Variants in GLDN observed in about 807,000 individuals in gnomAD.
The protein encoded by GLDN is collomin.
GLDN carries 47 observed loss-of-function variants against 56.5 expected under a neutral mutation model. That is an observed-to-expected ratio of 0.83 (90% CI 0.66 to 1.06). The LOEUF is 1.06. Among genes scored for constraint, GLDN ranks in the 50% least tolerant of loss-of-function variants. The probability of loss-of-function intolerance (pLI) is 0.00; values close to 1 mark genes in which losing one functional copy is unlikely to be tolerated. For missense variants in GLDN, 782 were observed against 714.3 expected (o/e 1.09, Z -1.08); for synonymous variants, 332 against 278.8 (o/e 1.19, Z -1.90).
chr15:51,396,409 C>T (rs2038129979), intron 5 of GLDN, among the ~76,000 whole-genome samples: 1 of 152,158 alleles, frequency 6.6e-6, no homozygotes, highest in Admixed American at 6.5e-5. Flanking sequence ...GAAAAGCAGA[C>T]AGTTGGTATT....
At chr15:51,386,874 C>T (rs1038193731) in intron 4 of GLDN, among the ~76,000 whole-genome samples, 5 of 152,060 alleles carry the variant, frequency 3.3e-5, no homozygotes, top group African/African-American at 1.2e-4. Flanking sequence ...GGTGGGGAGC[C>T]CCGCACTCAA....
intron 1 of GLDN, among the ~76,000 whole-genome samples, chr15:51,376,872 T>C (rs949781394): frequency 5.3e-5 from 8 of 152,170 alleles, no homozygotes; most frequent in African/African-American, 1.9e-4. Flanking sequence ...ATAACATGCA[T>C]GGAGCTGTGA....
intron 5 of GLDN, among the ~76,000 whole-genome samples, chr15:51,396,614 G>A (rs2038134290): frequency 6.6e-6 from 1 of 152,200 alleles, no homozygotes; most frequent in African/African-American, 2.4e-5. Flanking sequence ...GCAAATACCA[G>A]AGAACACCAT....
At chr15:51,356,899 G>T (rs980107096) in intron 1 of GLDN, among the ~76,000 whole-genome samples, 1 of 152,100 alleles carries the variant, frequency 6.6e-6, no homozygotes, top group African/African-American at 2.4e-5. Context: ...GTAATAAAAA[G>T]AATTTGGAGA....
rs375973427 is a variant in GLDN at position 51,383,905 on chromosome 15, A to C, written c.541+13A>C. ...AGAGGAAAAATGGGTATTTTTGGCA[A>C]CTCTTCTAATTAATTTCCCTGTTAT... On this transcript the variant is annotated intron_variant, in intron 4 of 9. Coordinates refer to ENST00000335449, the MANE Select transcript of GLDN (RefSeq NM_181789.4). 954 of 1,545,398 alleles carry C rather than the reference A, an allele frequency of 6.2e-4. 1 individual carries two copies. Among genetic ancestry groups the C allele is most frequent in the Non-Finnish European group, 8.0e-4 (898 of 1,127,320 alleles).
intron 1 of GLDN, among the ~76,000 whole-genome samples, chr15:51,359,903 C>A (rs369259869): frequency 6.7e-6 from 1 of 149,070 alleles, no homozygotes; most frequent in Non-Finnish European, 1.5e-5. Flanking sequence ...GATGTGAACC[C>A]GGGAGGCGGA....
intron 1 of GLDN, among the ~76,000 whole-genome samples, chr15:51,346,903 TA>T (rs1456203119): frequency 9.2e-5 from 14 of 152,022 alleles, no homozygotes; most frequent in Non-Finnish European, 4.4e-5. Flanking sequence ...CTGTCTCTAC[TA>T]AAAATACAAA....
intron 1 of GLDN, among the ~76,000 whole-genome samples, chr15:51,345,775 G>A (rs1273643335): frequency 6.6e-6 from 1 of 152,082 alleles, no homozygotes; most frequent in Non-Finnish European, 1.5e-5. Flanking sequence ...AAGGGAAAAT[G>A]GTCTAAATAT....
intron 1 of GLDN, among the ~76,000 whole-genome samples, chr15:51,376,994 T>A (rs2037645763): frequency 6.6e-6 from 1 of 151,774 alleles, no homozygotes; most frequent in South Asian, 2.1e-4. Flanking sequence ...ATACAAAATA[T>A]GGTGATGTCA....
chr15:51,408,598 G>A (rs866641931), downstream of GLDN, among the ~76,000 whole-genome samples: 4 of 151,870 alleles, frequency 2.6e-5, no homozygotes, highest in Non-Finnish European at 5.9e-5. Context: ...TGCAGGTTAC[G>A]TATGTATACA....
chr15:51,412,972 T>G (rs1358225587), downstream of GLDN, among the ~76,000 whole-genome samples: 1 of 152,204 alleles, frequency 6.6e-6, no homozygotes, highest in Admixed American at 6.5e-5. Context: ...TTTTTTTTCT[T>G]CCCAACTCCT....
At chr15:51,352,207 A>G (rs115530852) in intron 1 of GLDN, among the ~76,000 whole-genome samples, 2,080 of 152,158 alleles carry the variant, frequency 0.014, 54 homozygotes, top group African/African-American at 0.048. Context: ...ACCTTCCACC[A>G]TGGTGGAAGG....
intron 1 of GLDN, among the ~76,000 whole-genome samples, chr15:51,353,870 T>C (rs2037125820): frequency 6.6e-6 from 1 of 152,124 alleles, no homozygotes; most frequent in South Asian, 2.1e-4. Context: ...TTAATTTACA[T>C]GCATTTTATC....
chr15:51,353,797 C>T (rs2037124433), intron 1 of GLDN, among the ~76,000 whole-genome samples: 1 of 144,950 alleles, frequency 6.9e-6, no homozygotes, highest in Non-Finnish European at 1.5e-5. Context: ...CTCAAACTCA[C>T]CACCACCACC....
intron 1 of GLDN, among the ~76,000 whole-genome samples, chr15:51,343,572 C>G (rs1240972687): frequency 1.3e-5 from 2 of 152,214 alleles, no homozygotes; most frequent in African/African-American, 2.4e-5. Flanking sequence ...CAAATTAACT[C>G]TAGGTGACCT....
At position 51,377,379 on chromosome 15, in the gene GLDN, C is replaced by T. The variant is rs765274099; in HGVS notation, c.364-70C>T. The T allele has an allele frequency of 5.6e-4, 729 of 1,295,756 alleles. 1 individual carries two copies. The highest frequency in any genetic ancestry group is 7.4e-4 in the Middle Eastern group (4 of 5,414). The allele number at this position is 1,295,756 out of a possible 1,614,324, so 80.3% of individuals were successfully genotyped here. The stretch of plus-strand genomic sequence containing the variant: ...TGACTTTTTATGATTGCTTTCTGCT[C>T]GTCTGAATAAAGGATGAGCCCAGGG... On this transcript the variant is annotated intron_variant, in intron 1 of 9. Transcript: ENST00000335449.
chr15:51,390,106 C>G (rs2037985488), intron 4 of GLDN, among the ~76,000 whole-genome samples: 1 of 152,148 alleles, frequency 6.6e-6, no homozygotes, highest in Non-Finnish European at 1.5e-5. Context: ...GCTGTATGCC[C>G]CTGGGCAAGT....
chr15:51,393,071 G>A (rs147461729), intron 4 of GLDN, among the ~76,000 whole-genome samples: 3 of 152,276 alleles, frequency 2.0e-5, no homozygotes, highest in East Asian at 3.9e-4. Context: ...TTTTGTAGAT[G>A]TCCTTTTCCA....
intron 4 of GLDN, among the ~76,000 whole-genome samples, chr15:51,386,682 G>A (rs961671930): frequency 2.0e-5 from 3 of 152,344 alleles, no homozygotes; most frequent in Admixed American, 6.5e-5. Flanking sequence ...GACGGCCTCC[G>A]TAGGCGGGGG....
Sources: gnomAD v4.1 joint callset for allele counts (sites outside exome capture counted in the v4.1 genomes callset) on GRCh38, gnomAD v4.1.1 for gene constraint, MANE v1.5 for transcripts, NCBI Gene and HGNC (gene_info 2026-07-23, HGNC 2026-07-21) for gene names.